The following MALRD1 variants were observed in gnomAD, a reference collection of about 807,000 sequenced individuals.
MALRD1 encodes the protein MAM and LDL receptor class A domain containing 1, also known as MAM and LDL-receptor class A domain-containing protein 1.
Under a neutral mutation model 242.1 loss-of-function variants are expected in MALRD1, and 247 were observed. That is an observed-to-expected ratio of 1.02 (90% CI 0.92 to 1.13). MALRD1 has a LOEUF of 1.13. Among genes scored for constraint, MALRD1 ranks in the 50% most tolerant of loss-of-function variants. The pLI, the probability that MALRD1 is intolerant of heterozygous loss-of-function variation, is 0.00. For missense variants in MALRD1, 2,989 were observed against 2,533.1 expected, an observed-to-expected ratio of 1.18 and a Z score of -3.86; for synonymous variants, 995 against 866.6, an observed-to-expected ratio of 1.15 and a Z score of -2.60.
chr10:19,632,832 T>C (rs1225848015), intron 36 of MALRD1, among the ~76,000 whole-genome samples: 2 of 152,116 alleles, frequency 1.3e-5, no homozygotes, highest in Non-Finnish European at 2.9e-5. Flanking sequence ...TAGATTAAGG[T>C]AGAATGACCA....
rs1381033288 is a variant in MALRD1, at chr10:19,136,692, G to C, written c.1322G>C (p.Cys441Ser). The change falls in exon 10 of 40, where the codon TGC (cysteine) becomes TCC (serine). Residue 441 changes from cysteine (C) to serine (S), a missense_variant. Transcript: ENST00000454679. ...CTTTGCTCTGCAGACGAATTCCCTT[G>C]CACTAGTGGCCAGTGCATCGCCAAA... The part of the protein sequence containing the change: ...RKLCSADEFP[C>S]TSGQCIAKES... 8.1e-7 allele frequency: 1 copy of C among 1,231,572 alleles called. No individual in the cohort carries two copies. Among genetic ancestry groups the C allele is most frequent in the Non-Finnish European group, 1.0e-6 (1 of 988,004 alleles). The allele number at this position is 1,231,572 out of a possible 1,614,324, so 76.3% of individuals were successfully genotyped here.
chr10:19,102,269 G>A (rs968162201), intron 4 of MALRD1, among the ~76,000 whole-genome samples: 1 of 151,592 alleles, frequency 6.6e-6, no homozygotes, highest in African/African-American at 2.4e-5. Flanking sequence ...GTGTTATACT[G>A]CCTTTGTATA....
At chr10:19,531,975 A>C (rs1564418896) in intron 32 of MALRD1, among the ~76,000 whole-genome samples, 1 of 152,202 alleles carries the variant, frequency 6.6e-6, no homozygotes, top group Non-Finnish European at 1.5e-5. Flanking sequence ...TTATTAACTT[A>C]CAATTATCCA....
At chr10:19,726,416 G>T (rs1214102968) in intron 38 of MALRD1, among the ~76,000 whole-genome samples, 1 of 152,048 alleles carries the variant, frequency 6.6e-6, no homozygotes, top group Non-Finnish European at 1.5e-5. Context: ...CACTGAGATA[G>T]CAATAATAAT....
chr10:19,200,109 C>T (rs537388063), intron 14 of MALRD1, among the ~76,000 whole-genome samples: 6 of 152,102 alleles, frequency 3.9e-5, no homozygotes, highest in Non-Finnish European at 8.8e-5. Flanking sequence ...GCCTGGGTGA[C>T]TGAGTGAGAC....
At chr10:19,578,702 GT>G (rs1232896978) in intron 33 of MALRD1, among the ~76,000 whole-genome samples, 8 of 148,798 alleles carry the variant, frequency 5.4e-5, no homozygotes, top group Middle Eastern at 3.4e-3. Context: ...TCATGGCTGG[GT>G]TTTTTTTTTT....
At chr10:19,377,280 A>G (rs988814173) in intron 26 of MALRD1, among the ~76,000 whole-genome samples, 5 of 152,180 alleles carry the variant, frequency 3.3e-5, no homozygotes, top group Non-Finnish European at 5.9e-5. Flanking sequence ...AAAGGAAAGG[A>G]ATAATGCATG....
chr10:19,488,621 A>G (rs536663643), intron 29 of MALRD1: 1 of 155,374 alleles, frequency 6.4e-6, no homozygotes, highest in South Asian at 2.0e-4. Flanking sequence ...AAAAACGAAG[A>G]GCAAGGGACA....
intron 26 of MALRD1, among the ~76,000 whole-genome samples, chr10:19,376,767 C>T (rs998632462): frequency 3.3e-5 from 5 of 151,594 alleles, no homozygotes; most frequent in South Asian, 2.1e-4. Flanking sequence ...TTATTAGAGA[C>T]GGGGTTTCAG....
At chr10:19,125,544 T>A (rs1001919364) in intron 7 of MALRD1, among the ~76,000 whole-genome samples, 3 of 151,416 alleles carry the variant, frequency 2.0e-5, no homozygotes, top group African/African-American at 7.3e-5. Context: ...TTTTTCTTTC[T>A]TCCTTTTCTT....
chr10:19,628,000 T>C (rs1839742981), intron 36 of MALRD1, among the ~76,000 whole-genome samples: 2 of 151,916 alleles, frequency 1.3e-5, no homozygotes, highest in Admixed American at 1.3e-4. Context: ...ACAAACATTA[T>C]TTACAGAAAA....
intron 23 of MALRD1, among the ~76,000 whole-genome samples, chr10:19,330,350 A>G (rs1310528513): frequency 6.6e-6 from 1 of 152,036 alleles, no homozygotes; most frequent in East Asian, 1.9e-4. Context: ...TCTGAAGGAA[A>G]AAAAAAACTA....
upstream of MALRD1, among the ~76,000 whole-genome samples, chr10:19,047,356 GT>G (rs765666281): frequency 0.11 from 1,758 of 15,498 alleles, 14 homozygotes; most frequent in South Asian, 0.22. Context: ...TGTTAATTAG[GT>G]GTGTGTGTGT....
intron 28 of MALRD1, among the ~76,000 whole-genome samples, chr10:19,429,443 G>A (rs944605588): frequency 3.1e-4 from 47 of 152,140 alleles, no homozygotes; most frequent in African/African-American, 1.1e-3. Context: ...GCACACCTGT[G>A]ATCCCAGCTA....
At chr10:19,447,071 C>CAG (rs1835034166) in intron 28 of MALRD1, among the ~76,000 whole-genome samples, 1 of 36,214 alleles carries the variant, frequency 2.8e-5, no homozygotes, top group Non-Finnish European at 6.6e-5. Context: ...CATACACAGA[C>CAG]ACACACACAC....
chr10:19,157,261 T>C (rs1834192322), intron 12 of MALRD1, among the ~76,000 whole-genome samples: 1 of 147,020 alleles, frequency 6.8e-6, no homozygotes, highest in Non-Finnish European at 1.5e-5. Context: ...TATTTTCTTT[T>C]TCTTTCTTTC....
chr10:19,354,910 A>G (rs966137721), intron 26 of MALRD1, among the ~76,000 whole-genome samples: 1 of 152,180 alleles, frequency 6.6e-6, no homozygotes, highest in Non-Finnish European at 1.5e-5. Flanking sequence ...AAAAATAAAA[A>G]AGAAATTTGG....
intron 23 of MALRD1, among the ~76,000 whole-genome samples, chr10:19,330,288 A>G (rs1050652434): frequency 4.0e-5 from 6 of 151,846 alleles, no homozygotes. Flanking sequence ...CCAACCTCTC[A>G]TGTTAAGAGG....
At chr10:19,419,832 G>A (rs1833651556) in intron 28 of MALRD1, among the ~76,000 whole-genome samples, 1 of 151,952 alleles carries the variant, frequency 6.6e-6, no homozygotes. Flanking sequence ...GTAAAGCTTA[G>A]AACCAGGCAT....
Sources: gnomAD v4.1 joint callset for allele counts (sites outside exome capture counted in the v4.1 genomes callset) on GRCh38, gnomAD v4.1.1 for gene constraint, MANE v1.5 for transcripts, NCBI Gene and HGNC (gene_info 2026-07-23, HGNC 2026-07-21) for gene names.